SAXO1: variants seen among roughly 807,000 people sequenced by gnomAD.
The protein encoded by SAXO1 is stabilizer of axonemal microtubules 1, also known as 4930500O09Rik.
SAXO1 carries 21 observed loss-of-function variants against 17.5 expected under a neutral mutation model. The ratio of observed to expected loss-of-function variants is 1.20; its 90% CI spans 0.85 to 1.72. The LOEUF (loss-of-function observed/expected upper bound fraction) is 1.72. SAXO1 is among the 40% of genes most tolerant of loss of function. The probability of loss-of-function intolerance (pLI) is 0.00; values close to 1 mark genes in which losing one functional copy is unlikely to be tolerated. For missense variants in SAXO1, 843 were observed against 596.0 expected, an observed-to-expected ratio of 1.41 and a Z score of -4.32; for synonymous variants, 274 against 216.5, an observed-to-expected ratio of 1.27 and a Z score of -2.33.
rs532745785 is a variant in SAXO1 at position 18,967,588 on chromosome 9, C to T, written c.39-16651G>A. ...TCAAGCCTCAGTAATAGTGGATGCCCCTCCCCCAACCAAGCTCGAGTGTCC... is the reference window on the plus strand; with the variant it reads ...TCAAGCCTCAGTAATAGTGGATGCCTCTCCCCCAACCAAGCTCGAGTGTCC... On this transcript the variant is annotated intron_variant, in intron 1 of 3. Transcript: ENST00000380534. Among the ~76,000 whole-genome samples the T allele has an allele frequency of 1.6e-3, 246 of 152,274 alleles. 1 individual carries two copies. Among genetic ancestry groups the T allele is most frequent in the Middle Eastern group, 3.4e-3 (1 of 294 alleles).
intron 1 of SAXO1, among the ~76,000 whole-genome samples, chr9:19,015,643 C>CTTT (rs34096432): frequency 1.4e-5 from 2 of 142,266 alleles, no homozygotes; most frequent in Admixed American, 7.0e-5. Flanking sequence ...ACGCCTGGCC[C>CTTT]TTTTTTTTTT....
intron 1 of SAXO1, among the ~76,000 whole-genome samples, chr9:19,003,508 A>T (rs1834364490): frequency 6.6e-6 from 1 of 152,228 alleles, no homozygotes; most frequent in African/African-American, 2.4e-5. Flanking sequence ...GCAAGGCTAC[A>T]ATAACCAAAA....
intron 1 of SAXO1, among the ~76,000 whole-genome samples, chr9:19,026,398 T>C (rs559976194): frequency 6.6e-6 from 1 of 152,328 alleles, no homozygotes; most frequent in African/African-American, 2.4e-5. Context: ...TTAAAATTAA[T>C]CTCAATGTTT....
intron 1 of SAXO1, among the ~76,000 whole-genome samples, chr9:18,961,386 C>G (rs1020909620): frequency 6.6e-6 from 1 of 152,084 alleles, no homozygotes; most frequent in African/African-American, 2.4e-5. Context: ...ATGTGCAGAA[C>G]GTGCAGGTTT....
chr9:19,008,902 C>T (rs910232172), intron 1 of SAXO1, among the ~76,000 whole-genome samples: 4 of 152,142 alleles, frequency 2.6e-5, no homozygotes, highest in African/African-American at 7.2e-5. Flanking sequence ...AGCAACTCAG[C>T]GAGGGGAAAG....
intron 1 of SAXO1, among the ~76,000 whole-genome samples, chr9:19,012,410 T>C (rs997883810): frequency 6.6e-6 from 1 of 152,242 alleles, no homozygotes; most frequent in Non-Finnish European, 1.5e-5. Context: ...ATTAAAATAA[T>C]CTGTAATAGA....
At chr9:18,975,650 A>G (rs1156633052) in intron 1 of SAXO1, among the ~76,000 whole-genome samples, 1 of 152,236 alleles carries the variant, frequency 6.6e-6, no homozygotes, top group Non-Finnish European at 1.5e-5. Context: ...CAGCAGTCCT[A>G]TGCATTGTAT....
At chr9:18,972,934 T>A (rs1464779893) in intron 1 of SAXO1, among the ~76,000 whole-genome samples, 1 of 152,036 alleles carries the variant, frequency 6.6e-6, no homozygotes. Context: ...CAGCCTCCGG[T>A]ACTCAGGATC....
rs374929314 is a variant in SAXO1, at chr9:18,930,635, G to A, written c.422-1580C>T. Among the ~76,000 whole-genome samples, 18 of 152,286 alleles carry A rather than the reference G, an allele frequency of 1.2e-4. No homozygotes were observed. The South Asian group carries it at 3.7e-3, about 32-fold the overall frequency. The stretch of plus-strand genomic sequence containing the variant: ...CTGCCTCAGCCTCCCTAGTAGCTGG[G>A]ATTACAGGCATGTGCCACCGCACCC... On this transcript the variant is annotated intron_variant, in intron 3 of 3. Transcript: ENST00000380534.
At chr9:18,944,938 T>C (rs575510418) in intron 2 of SAXO1, among the ~76,000 whole-genome samples, 1 of 152,274 alleles carries the variant, frequency 6.6e-6, no homozygotes, top group South Asian at 2.1e-4. Context: ...ATGGAATCCA[T>C]CTTAAAAGGA....
intron 3 of SAXO1, among the ~76,000 whole-genome samples, chr9:18,937,089 T>C (rs527561944): frequency 1.3e-5 from 2 of 152,258 alleles, no homozygotes; most frequent in Non-Finnish European, 2.9e-5. Context: ...AACATGAAGG[T>C]TGTTATGGAA....
chr9:19,027,728 G>T, intron 1 of SAXO1: 2 of 1,427,592 alleles, frequency 1.4e-6, no homozygotes. Flanking sequence ...CTTTGACAGC[G>T]AGAAGTCCGG....
intron 1 of SAXO1, among the ~76,000 whole-genome samples, chr9:19,020,885 G>A (rs1835203219): frequency 6.6e-6 from 1 of 152,186 alleles, no homozygotes; most frequent in South Asian, 2.1e-4. Flanking sequence ...GCCATCTGTT[G>A]AAACTCTTCT....
chr9:18,988,454 T>C (rs73431285), intron 1 of SAXO1, among the ~76,000 whole-genome samples: 5,451 of 152,284 alleles, frequency 0.036, 347 homozygotes, highest in African/African-American at 0.12. Flanking sequence ...CAATTAGACA[T>C]TTAGGAATGT....
intron 1 of SAXO1, among the ~76,000 whole-genome samples, chr9:19,004,164 C>G (rs1834397924): frequency 6.6e-6 from 1 of 152,144 alleles, no homozygotes; most frequent in South Asian, 2.1e-4. Flanking sequence ...TAGAGAAATG[C>G]AAATCAAAAC....
chr9:18,987,948 A>G (rs1466207234), intron 1 of SAXO1, among the ~76,000 whole-genome samples: 2 of 107,600 alleles, frequency 1.9e-5, no homozygotes, highest in Non-Finnish European at 4.8e-5. Context: ...TCCTCTCTAC[A>G]TCTTCATAAC....
intron 3 of SAXO1, 46 bp downstream of exon 3, chr9:18,941,591 G>A: frequency 1.2e-6 from 2 of 1,609,788 alleles, no homozygotes; most frequent in Non-Finnish European, 1.7e-6. Flanking sequence ...CCCGCACACA[G>A]GCTCAGCCTG....
intron 1 of SAXO1, among the ~76,000 whole-genome samples, chr9:19,009,391 C>A (rs1834625846): frequency 6.6e-6 from 1 of 152,122 alleles, no homozygotes; most frequent in Non-Finnish European, 1.5e-5. Context: ...GTGATTGCAG[C>A]TCCAGTTGAA....
intron 3 of SAXO1, among the ~76,000 whole-genome samples, chr9:18,934,883 ATATT>A (rs1831222207): frequency 6.6e-6 from 1 of 151,932 alleles, no homozygotes; most frequent in Admixed American, 6.6e-5. Flanking sequence ...ATGGCTACCG[ATATT>A]TTTGTTCATT....
Sources: gnomAD v4.1 joint callset for allele counts (sites outside exome capture counted in the v4.1 genomes callset) on GRCh38, gnomAD v4.1.1 for gene constraint, MANE v1.5 for transcripts, NCBI Gene and HGNC (gene_info 2026-07-23, HGNC 2026-07-21) for gene names.